The following CADPS variants were observed in gnomAD, a reference collection of about 807,000 sequenced individuals.
CADPS encodes calcium-dependent secretion activator 1.
In CADPS, 57 loss-of-function variants were observed where a neutral mutation model predicts 167.3. The observed-to-expected ratio is 0.34, with a 90% CI of 0.28 to 0.42. The LOEUF (loss-of-function observed/expected upper bound fraction) is 0.42. Ranked by LOEUF, CADPS falls within the 20% of genes least tolerant of loss-of-function variation. The probability of loss-of-function intolerance (pLI) is 1.00; values close to 1 mark genes in which losing one functional copy is unlikely to be tolerated. For synonymous variants in CADPS, 676 were observed against 635.3 expected, an observed-to-expected ratio of 1.06 and a Z score of -0.96; for missense variants, 1,414 against 1,738.1, an observed-to-expected ratio of 0.81 and a Z score of 3.32.
intron 20 of CADPS, 126 bp from the exon 21 acceptor site, chr3:62,491,606 A>T: frequency 1.3e-6 from 1 of 775,330 alleles, no homozygotes; most frequent in Non-Finnish European, 2.0e-6. Flanking sequence ...TGTCTTCTAC[A>T]TTAAATATAC....
At chr3:62,790,767 G>A (rs929343029) in intron 1 of CADPS, among the ~76,000 whole-genome samples, 1 of 152,110 alleles carries the variant, frequency 6.6e-6, no homozygotes, top group Non-Finnish European at 1.5e-5. Flanking sequence ...AGACCTTTGG[G>A]CATTCATGGA....
At chr3:62,854,670 G>A (rs1345797008) in intron 1 of CADPS, among the ~76,000 whole-genome samples, 4 of 152,154 alleles carry the variant, frequency 2.6e-5, no homozygotes, top group African/African-American at 7.2e-5. Context: ...GGATTGTGTA[G>A]TCGTAAGTAA....
intron 3 of CADPS, among the ~76,000 whole-genome samples, chr3:62,745,223 C>T (rs186844061): frequency 5.0e-4 from 76 of 152,222 alleles, no homozygotes; most frequent in Non-Finnish European, 2.8e-4. Flanking sequence ...TGAGCTACCA[C>T]GCCCAGCTAA....
rs1351858286 is a variant in CADPS, at chr3:62,874,870, C to T, written c.160G>A (p.Gly54Ser). Reference protein sequence around the residue: ...GSAGLGGGGAGAGAGVGAGGG... With the variant: ...GSAGLGGGGASAGAGVGAGGG... ...CCTGCACCCACCCCGGCTCCGGCGC[C>T]GGCGCCGCCGCCCCCCAGCCCGGCG... Residue 54 changes from glycine (G) to serine (S), a missense_variant, in exon 1 of 30, where the codon GGC becomes AGC. By Grantham distance (56) the Gly-to-Ser change is moderately conservative (BLOSUM62 0). Transcript: ENST00000383710. The surrounding 1 kb of genome is among the most constrained non-coding windows in gnomAD (Gnocchi z 7.1). The T allele has an allele frequency of 3.7e-5, 42 of 1,136,168 alleles. No homozygotes were observed. Among genetic ancestry groups the T allele is most frequent in the Non-Finnish European group, 4.3e-5 (40 of 929,792 alleles). 70.4% of individuals were successfully genotyped at this position (1,136,168 alleles called of 1,614,324 possible).
intron 19 of CADPS, 65 bp from the exon 20 acceptor site, chr3:62,492,511 G>T: frequency 6.8e-7 from 1 of 1,478,640 alleles, no homozygotes; most frequent in Non-Finnish European, 9.4e-7. Flanking sequence ...GACATAAGAC[G>T]TGAATTCCAG....
At chr3:62,664,607 T>G (rs1476214065) in intron 3 of CADPS, among the ~76,000 whole-genome samples, 2 of 152,254 alleles carry the variant, frequency 1.3e-5, no homozygotes, top group Non-Finnish European at 2.9e-5. Flanking sequence ...AAATGTCTTG[T>G]TCAAAATACA....
At chr3:62,547,440 C>A (rs879267295) in intron 11 of CADPS, among the ~76,000 whole-genome samples, 1 of 152,086 alleles carries the variant, frequency 6.6e-6, no homozygotes, top group Non-Finnish European at 1.5e-5. Flanking sequence ...GAAGAACTCC[C>A]GTTCCTCGGC....
chr3:62,681,175 T>G (rs1248628155), intron 3 of CADPS, among the ~76,000 whole-genome samples: 2 of 152,036 alleles, frequency 1.3e-5, no homozygotes, highest in Non-Finnish European at 2.9e-5. Flanking sequence ...TCTAACAGAC[T>G]CCTCCCCTAC....
intron 3 of CADPS, among the ~76,000 whole-genome samples, chr3:62,745,792 T>C (rs1361553290): frequency 6.6e-6 from 1 of 152,254 alleles, no homozygotes; most frequent in East Asian, 1.9e-4. Context: ...TTTACTGATT[T>C]AGTCAATATT....
At chr3:62,516,724 A>C (rs2069078874) in intron 14 of CADPS, 81 bp from the exon 15 acceptor site, 9 of 968,244 alleles carry the variant, frequency 9.3e-6, no homozygotes, top group Non-Finnish European at 1.5e-5. Flanking sequence ...TCCTATAGCA[A>C]CTCTCTCTGA....
chr3:62,672,692 T>C (rs1263655808), intron 3 of CADPS, among the ~76,000 whole-genome samples: 1 of 152,176 alleles, frequency 6.6e-6, no homozygotes, highest in Admixed American at 6.5e-5. Flanking sequence ...GTTGAGATCA[T>C]AGCTCACTGC....
At chr3:62,574,021 T>C (rs1183886223) in intron 8 of CADPS, among the ~76,000 whole-genome samples, 1 of 152,206 alleles carries the variant, frequency 6.6e-6, no homozygotes, top group Admixed American at 6.5e-5. Context: ...TTTAAAACAC[T>C]GCATAAAAAC....
At chr3:62,599,839 A>ATT (rs1450060783) in intron 6 of CADPS, among the ~76,000 whole-genome samples, 1 of 2,418 alleles carries the variant, frequency 4.1e-4, no homozygotes, top group African/African-American at 5.0e-4. Context: ...TATATAATAT[A>ATT]TTATATATAT....
chr3:62,445,345 T>C (rs2149934641), intron 27 of CADPS, among the ~76,000 whole-genome samples: 1 of 152,336 alleles, frequency 6.6e-6, no homozygotes, highest in African/African-American at 2.4e-5. Flanking sequence ...ACATTTTTAA[T>C]TGCAAAACCA....
intron 6 of CADPS, among the ~76,000 whole-genome samples, chr3:62,608,934 G>C (rs2061091803): frequency 6.6e-6 from 1 of 152,168 alleles, no homozygotes. Flanking sequence ...GGTAAAGTAA[G>C]AGAGCAAATA....
At position 62,420,579 on chromosome 3, in the gene CADPS, C is replaced by CT. The variant is rs2051088610; in HGVS notation, c.3778-17395dup. ...CAGCACAGGTGGATGGAGAGGGCAT[C>CT]TTGATCTCCTAGGAGGGAATATTTG... On this transcript the variant is annotated intron_variant, in intron 28 of 29. Transcript: ENST00000383710. This position sits in a 1 kb window ranked among gnomAD's most constrained non-coding sequence, Gnocchi z 4.1. Among the ~76,000 whole-genome samples the CT allele has an allele frequency of 6.6e-6, 1 of 152,082 alleles. No individual in the cohort carries two copies. Among genetic ancestry groups the CT allele is most frequent in the Non-Finnish European group, 1.5e-5 (1 of 67,986 alleles).
chr3:62,671,576 A>G (rs766807884), intron 3 of CADPS, among the ~76,000 whole-genome samples: 1 of 152,038 alleles, frequency 6.6e-6, no homozygotes, highest in Non-Finnish European at 1.5e-5. Flanking sequence ...CCAGGCTCCC[A>G]TCATCTCCAT....
chr3:62,410,002 A>G (rs1231181995), intron 28 of CADPS, among the ~76,000 whole-genome samples: 3 of 152,210 alleles, frequency 2.0e-5, no homozygotes, highest in Non-Finnish European at 4.4e-5. Flanking sequence ...ATTGAAGTAT[A>G]ACACACATAC....
chr3:62,763,135 T>C (rs929075960), intron 2 of CADPS, among the ~76,000 whole-genome samples: 1 of 152,202 alleles, frequency 6.6e-6, no homozygotes, highest in African/African-American at 2.4e-5. Context: ...CCAGAGATGG[T>C]GGCTGTCCTA....
Sources: gnomAD v4.1 joint callset for allele counts (sites outside exome capture counted in the v4.1 genomes callset) on GRCh38, gnomAD v4.1.1 for gene constraint, Gnocchi (gnomAD v3.1) non-coding constraint, MANE v1.5 for transcripts, NCBI Gene and HGNC (gene_info 2026-07-23, HGNC 2026-07-21) for gene names.